Variants in CDH13 observed in about 807,000 individuals in gnomAD.
The protein encoded by CDH13 is cadherin 13, also known as cadherin-13.
CDH13 carries 24 observed loss-of-function variants against 63.8 expected under a neutral mutation model. That is an observed-to-expected ratio of 0.38 (90% confidence interval 0.27 to 0.53). CDH13 has a LOEUF of 0.53. Among genes scored for constraint, CDH13 ranks in the 20% least tolerant of loss-of-function variants. CDH13 has a pLI of 0.85. For missense variants in CDH13, 1,049 were observed against 903.1 expected, an observed-to-expected ratio of 1.16 and a Z score of -2.07; for synonymous variants, 503 against 355.3, an observed-to-expected ratio of 1.42 and a Z score of -4.67.
At chr16:83,569,675 G>A (rs1202299233) in intron 7 of CDH13, among the ~76,000 whole-genome samples, 1 of 152,088 alleles carries the variant, frequency 6.6e-6, no homozygotes, top group Non-Finnish European at 1.5e-5. Flanking sequence ...TGGACTCAGA[G>A]ACGTCCAGGC....
intron 4 of CDH13, among the ~76,000 whole-genome samples, chr16:83,182,972 T>G (rs1438077034): frequency 6.6e-6 from 1 of 152,138 alleles, no homozygotes; most frequent in Admixed American, 6.5e-5. Context: ...GTTTTCTGTT[T>G]GATTCACAGT....
intron 3 of CDH13, among the ~76,000 whole-genome samples, chr16:83,120,293 C>T (rs1210255354): frequency 6.6e-6 from 1 of 152,198 alleles, no homozygotes; most frequent in Non-Finnish European, 1.5e-5. Context: ...AGTTGATGAG[C>T]TGGTGAGCTG....
intron 1 of CDH13, among the ~76,000 whole-genome samples, chr16:82,820,403 T>G (rs1053746869): frequency 2.6e-5 from 4 of 152,164 alleles, no homozygotes; most frequent in Non-Finnish European, 5.9e-5. Flanking sequence ...TTACAACCCT[T>G]TGGGGTAGGA....
At position 83,128,104 on chromosome 16, in the gene CDH13, C is replaced by T. The variant is rs546153594; in HGVS notation, c.483+2603C>T. Reference sequence around the variant, plus strand: ...TTTTAGATAATCCTGGGCTTCTCAGCTCTCACCATGCATCAGAATCAGCAG... The same window carrying T: ...TTTTAGATAATCCTGGGCTTCTCAGTTCTCACCATGCATCAGAATCAGCAG... On this transcript the variant is annotated intron_variant, in intron 4 of 13. Coordinates refer to ENST00000567109, the MANE Select transcript of CDH13 (RefSeq NM_001257.5). Among the ~76,000 whole-genome samples the T allele has an allele frequency of 2.3e-4, 35 of 152,354 alleles. 1 individual carries two copies. The highest frequency in any genetic ancestry group is 8.4e-4 in the African/African-American group (35 of 41,582).
intron 1 of CDH13, among the ~76,000 whole-genome samples, chr16:82,783,762 A>T (rs1213692587): frequency 6.6e-6 from 1 of 152,182 alleles, no homozygotes; most frequent in East Asian, 1.9e-4. Context: ...GATTTGATGT[A>T]GAATTACTAG....
chr16:82,699,943 G>T (rs1456060279), intron 1 of CDH13, among the ~76,000 whole-genome samples: 2 of 152,228 alleles, frequency 1.3e-5, no homozygotes, highest in African/African-American at 4.8e-5. Flanking sequence ...CATCCAATTA[G>T]TTGGCTGGGC....
chr16:83,425,757 CT>C (rs2071874748), intron 6 of CDH13, among the ~76,000 whole-genome samples: 2 of 148,588 alleles, frequency 1.3e-5, no homozygotes, highest in African/African-American at 4.9e-5. Flanking sequence ...TTCTTTCTTT[CT>C]CTTTTTCTTT....
intron 2 of CDH13, among the ~76,000 whole-genome samples, chr16:82,951,246 C>A (rs1039902949): frequency 6.6e-6 from 1 of 152,160 alleles, no homozygotes; most frequent in African/African-American, 2.4e-5. Flanking sequence ...CCTTCCCCCA[C>A]ATCCCTCACC....
At chr16:83,615,666 GAGAGA>G (rs1012131082) in intron 8 of CDH13, among the ~76,000 whole-genome samples, 25 of 152,128 alleles carry the variant, frequency 1.6e-4, no homozygotes, top group African/African-American at 4.8e-4. Flanking sequence ...GGTATTTTTG[GAGAGA>G]AGAGAACAGT....
chr16:83,326,812 A>C (rs1465239105), intron 5 of CDH13, among the ~76,000 whole-genome samples: 1 of 152,190 alleles, frequency 6.6e-6, no homozygotes, highest in Non-Finnish European at 1.5e-5. Context: ...CCTATAACAA[A>C]GCCAAATGCT....
At position 83,085,844 on chromosome 16, in the gene CDH13, C is replaced by G. The variant is rs55810678; in HGVS notation, c.367-39541C>G. On this transcript the variant is annotated intron_variant, in intron 3 of 13. Coordinates refer to ENST00000567109, the MANE Select transcript of CDH13 (RefSeq NM_001257.5). ...ATTGAAGCTCTTGATGGGGAATAGT[C>G]ATTATATTTGGCATTTTGCCAGAGT... is the stretch of plus-strand genomic sequence containing the variant. Among the ~76,000 whole-genome samples the G allele has an allele frequency of 6.4e-3, 977 of 152,290 alleles. 14 individuals are homozygous for G. Among genetic ancestry groups the G allele is most frequent in the African/African-American group, 0.023 (946 of 41,546 alleles).
chr16:82,659,233 C>G (rs1465898937), intron 1 of CDH13, among the ~76,000 whole-genome samples: 1 of 152,256 alleles, frequency 6.6e-6, no homozygotes, highest in Non-Finnish European at 1.5e-5. Context: ...CTATTCCTCT[C>G]TCCCTTCATT....
At chr16:83,679,662 C>T (rs1397084292) in intron 10 of CDH13, among the ~76,000 whole-genome samples, 1 of 152,076 alleles carries the variant, frequency 6.6e-6, no homozygotes, top group Non-Finnish European at 1.5e-5. Context: ...TGGAAACATG[C>T]AATTTAAACA....
intron 3 of CDH13, among the ~76,000 whole-genome samples, chr16:83,042,371 A>G (rs1055193759): frequency 6.6e-6 from 1 of 152,196 alleles, no homozygotes. Flanking sequence ...TAAATTGCAC[A>G]TGCAAGAGAT....
intron 7 of CDH13, among the ~76,000 whole-genome samples, chr16:83,590,456 G>A (rs1044000155): frequency 3.9e-5 from 6 of 152,150 alleles, no homozygotes; most frequent in African/African-American, 9.7e-5. Flanking sequence ...CGGGAAGAAC[G>A]GCCAGGTTGT....
intron 1 of CDH13, among the ~76,000 whole-genome samples, chr16:82,751,355 G>A (rs1319271389): frequency 6.6e-6 from 1 of 152,062 alleles, no homozygotes; most frequent in African/African-American, 2.4e-5. Flanking sequence ...GAACAATGGA[G>A]CATGAGCTGG....
At chr16:83,514,916 G>A (rs961031348) in intron 7 of CDH13, among the ~76,000 whole-genome samples, 19 of 152,070 alleles carry the variant, frequency 1.2e-4, no homozygotes, top group African/African-American at 4.1e-4. Flanking sequence ...GAGCCCCTCC[G>A]GTTTGTGACG....
chr16:83,756,351 C>A (rs1597183805), intron 11 of CDH13, among the ~76,000 whole-genome samples: 1 of 152,182 alleles, frequency 6.6e-6, no homozygotes, highest in African/African-American at 2.4e-5. Context: ...ACAATAGACA[C>A]ACTTTAAATA....
At chr16:82,806,027 A>G (rs528474420) in intron 1 of CDH13, among the ~76,000 whole-genome samples, 1 of 152,196 alleles carries the variant, frequency 6.6e-6, no homozygotes, top group Non-Finnish European at 1.5e-5. Context: ...GGCACATGGC[A>G]GGTGGGAGGC....
Sources: gnomAD v4.1 joint callset for allele counts (sites outside exome capture counted in the v4.1 genomes callset) on GRCh38, gnomAD v4.1.1 for gene constraint, MANE v1.5 for transcripts, NCBI Gene and HGNC (gene_info 2026-07-23, HGNC 2026-07-21) for gene names.